The following RNF130 variants were observed in gnomAD, a reference collection of about 807,000 sequenced individuals.
RNF130 encodes E3 ubiquitin-protein ligase RNF130.
Under a neutral mutation model 44.6 loss-of-function variants are expected in RNF130, and 21 were observed. The observed-to-expected ratio is 0.47, with a 90% CI of 0.33 to 0.68. The LOEUF (loss-of-function observed/expected upper bound fraction) is 0.68. Among genes scored for constraint, RNF130 ranks in the 30% least tolerant of loss-of-function variants. The pLI is 0.02. For missense variants in RNF130, 479 were observed against 560.6 expected (o/e 0.85, Z 1.47); for synonymous variants, 214 against 210.4 (o/e 1.02, Z -0.15).
chr5:179,981,804 G>A (rs976229110), intron 3 of RNF130, among the ~76,000 whole-genome samples: 15 of 152,236 alleles, frequency 9.9e-5, no homozygotes, highest in African/African-American at 3.1e-4. Context: ...CACACACTGC[G>A]TGTGGCTGCT....
chr5:179,975,226 G>A (rs576592064), intron 5 of RNF130, among the ~76,000 whole-genome samples: 13 of 152,386 alleles, frequency 8.5e-5, no homozygotes, highest in Non-Finnish European at 1.6e-4. Flanking sequence ...TTCTGTAAGC[G>A]GCAGTTTGGT....
chr5:179,953,880 T>C (rs1380688181), downstream of RNF130, among the ~76,000 whole-genome samples: 2 of 152,154 alleles, frequency 1.3e-5, no homozygotes, highest in East Asian at 3.8e-4. Flanking sequence ...GCCTAGTATC[T>C]AGAACATACA....
At chr5:179,936,575 A>G (rs1260947325) in intron 7 of RNF130, among the ~76,000 whole-genome samples, 1 of 152,142 alleles carries the variant, frequency 6.6e-6, no homozygotes, top group Non-Finnish European at 1.5e-5. Context: ...AGGTTGGCAG[A>G]TATTTTTCCT....
exon 8 of RNF130, chr5:179,915,466 AGCCCCT>A (rs1761531110): frequency 1.3e-5 from 2 of 152,392 alleles, no homozygotes; most frequent in African/African-American, 2.4e-5. Flanking sequence ...CTCCTTCCAG[AGCCCCT>A]GCCAGCCCAG....
intron 2 of RNF130, among the ~76,000 whole-genome samples, chr5:180,018,507 A>C (rs1347952829): frequency 1.3e-5 from 2 of 152,098 alleles, no homozygotes; most frequent in Non-Finnish European, 2.9e-5. Context: ...GCCATGATTC[A>C]ATGACCTCCG....
intron 1 of RNF130, among the ~76,000 whole-genome samples, chr5:180,060,387 A>T (rs988120943): frequency 3.3e-5 from 5 of 152,218 alleles, no homozygotes; most frequent in Non-Finnish European, 7.3e-5. Flanking sequence ...TACATAGAGT[A>T]TCCTTGTTTT....
chr5:179,958,400 T>C (rs1561669059), intron 8 of RNF130, among the ~76,000 whole-genome samples: 1 of 152,200 alleles, frequency 6.6e-6, no homozygotes, highest in East Asian at 1.9e-4. Context: ...AGTAGGAAGA[T>C]GGTTTTTAGA....
intron 1 of RNF130, among the ~76,000 whole-genome samples, chr5:180,054,976 G>C (rs900098079): frequency 2.6e-5 from 4 of 151,856 alleles, no homozygotes; most frequent in African/African-American, 9.7e-5. Flanking sequence ...TTGTTTTATT[G>C]ATCTTTTATC....
In RNF130 at chr5:180,056,041, G is replaced by C. The variant is rs375433067; in HGVS notation, c.248-15394C>G. 2.0e-5 allele frequency among the ~76,000 whole-genome samples: 3 copies of C among 152,132 alleles called. No individual in the cohort carries two copies. The East Asian group carries it at 5.8e-4, about 29-fold the overall frequency. The stretch of plus-strand genomic sequence containing the variant: ...AGAGGTTGCAGTGAGCTGAGATGGT[G>C]TCACCGTACTCTGGCCTGGGCGACA... On this transcript the variant is annotated intron_variant, in intron 1 of 8. Transcript: ENST00000521389.
chr5:180,023,252 G>A lies in RNF130; in HGVS notation c.443-9941C>T, dbSNP rs190364850. Among the ~76,000 whole-genome samples, 573 of 152,326 alleles carry A rather than the reference G, an allele frequency of 3.8e-3. 2 individuals are homozygous for A. The highest frequency in any genetic ancestry group is 0.028 in the South Asian group (133 of 4,830). ...ATATTTATAGATATGTAGATATGCA[G>A]GAGTTAGGATACACGCATGTATTTC... On this transcript the variant is annotated intron_variant, in intron 2 of 8. Transcript: ENST00000521389.
chr5:179,937,828 A>C (rs1761914307), intron 7 of RNF130, among the ~76,000 whole-genome samples: 1 of 151,956 alleles, frequency 6.6e-6, no homozygotes, highest in Non-Finnish European at 1.5e-5. Flanking sequence ...AGATGAACAA[A>C]TTGTGGTGTA....
chr5:180,057,133 G>A (rs1384459514), intron 1 of RNF130, among the ~76,000 whole-genome samples: 1 of 152,216 alleles, frequency 6.6e-6, no homozygotes, highest in Non-Finnish European at 1.5e-5. Context: ...GGTTGCCAGA[G>A]GAACCAATCA....
At chr5:179,961,027 T>G (rs527306168) in intron 8 of RNF130, among the ~76,000 whole-genome samples, 24 of 151,990 alleles carry the variant, frequency 1.6e-4, no homozygotes, top group Non-Finnish European at 2.8e-4. Flanking sequence ...GAAAAAGACA[T>G]TGGGTAAGAG....
exon 8 of RNF130, chr5:179,912,253 C>T (rs1481891494): frequency 6.6e-6 from 1 of 152,222 alleles, no homozygotes; most frequent in Non-Finnish European, 1.5e-5. Context: ...GGGTCCAAAA[C>T]AACTGTGACA....
intron 6 of RNF130, 83 bp from the exon 7 acceptor site, chr5:179,967,093 C>T (rs552065556): frequency 1.5e-5 from 19 of 1,299,026 alleles, no homozygotes; most frequent in African/African-American, 4.4e-5. Flanking sequence ...TAAACTTTGA[C>T]GCCCTGTTGC....
At chr5:180,058,625 G>A (rs927422165) in intron 1 of RNF130, among the ~76,000 whole-genome samples, 4 of 151,280 alleles carry the variant, frequency 2.6e-5, no homozygotes, top group Admixed American at 6.6e-5. Context: ...GTGTGATCTC[G>A]GCTCACTACA....
intron 5 of RNF130, among the ~76,000 whole-genome samples, chr5:179,975,490 C>A (rs1010715880): frequency 1.3e-5 from 2 of 152,234 alleles, no homozygotes; most frequent in Non-Finnish European, 2.9e-5. Context: ...AAGACTGTCA[C>A]AAGTACCGCT....
intron 1 of RNF130, among the ~76,000 whole-genome samples, 162 bp from the exon 2 acceptor site, chr5:180,040,809 A>C (rs1416957765): frequency 6.6e-6 from 1 of 152,260 alleles, no homozygotes; most frequent in Non-Finnish European, 1.5e-5. Flanking sequence ...AATGAAGCTG[A>C]ATCAGTACCT....
chr5:179,933,918 GC>G, intron 7 of RNF130: 1 of 578,330 alleles, frequency 1.7e-6, no homozygotes. Flanking sequence ...CAGAATGGGA[GC>G]AGACTGTTCT....
Sources: gnomAD v4.1 joint callset for allele counts (sites outside exome capture counted in the v4.1 genomes callset) on GRCh38, gnomAD v4.1.1 for gene constraint, MANE v1.5 for transcripts, NCBI Gene and HGNC (gene_info 2026-07-23, HGNC 2026-07-21) for gene names.